Variants in FRMPD4 observed in about 807,000 individuals in gnomAD.
FRMPD4 encodes the protein FERM and PDZ domain-containing protein 4.
A neutral mutation model predicts 94.1 loss-of-function variants in FRMPD4; 22 were observed. The ratio of observed to expected loss-of-function variants is 0.23; its 90% CI spans 0.17 to 0.33. FRMPD4 has a LOEUF of 0.33. Among genes scored for constraint, FRMPD4 ranks in the 10% least tolerant of loss-of-function variants. The pLI, the probability that FRMPD4 is intolerant of heterozygous loss-of-function variation, is 1.00. For missense variants in FRMPD4, 1,111 were observed against 1,339.9 expected, an observed-to-expected ratio of 0.83 and a Z score of 2.67; for synonymous variants, 631 against 548.6, an observed-to-expected ratio of 1.15 and a Z score of -2.10.
intron 1 of FRMPD4, among the ~76,000 whole-genome samples, chrX:12,378,271 C>G (rs2056269168): frequency 8.9e-6 from 1 of 112,534 alleles, no homozygotes; most frequent in South Asian, 3.7e-4. Context: ...TCTTCTTGTT[C>G]AAGGCTACAG....
chrX:12,139,419 T>G lies in FRMPD4; in HGVS notation c.41+407T>G, dbSNP rs767766268. On this transcript the variant is annotated intron_variant, in intron 1 of 16. Coordinates refer to ENST00000675598, the MANE Select transcript of FRMPD4 (RefSeq NM_001368397.1). ...AGCTGCAAAGACCAAAAGTGCCGCC[T>G]TCCCCCAACTCCTAAATTACACCTC... 1.2e-4 allele frequency among the ~76,000 whole-genome samples: 13 copies of G among 110,536 alleles called. No homozygotes were observed. The South Asian group carries it at 5.1e-3, about 44-fold the overall frequency.
At chrX:12,164,780 T>C (rs984118044) in intron 1 of FRMPD4, among the ~76,000 whole-genome samples, 15 of 112,713 alleles carry the variant, frequency 1.3e-4, no homozygotes, top group Non-Finnish European at 2.4e-4. Context: ...GTTTTTGATT[T>C]GCATTTCTCT....
At chrX:12,542,679 C>T (rs1282996859) in intron 2 of FRMPD4, among the ~76,000 whole-genome samples, 4 of 111,569 alleles carry the variant, frequency 3.6e-5, no homozygotes, top group Admixed American at 1.9e-4. Context: ...AATTCATAGA[C>T]TCAATGCCAT....
intron 3 of FRMPD4, among the ~76,000 whole-genome samples, chrX:12,113,007 T>C (rs1047574321): frequency 1.8e-5 from 2 of 111,278 alleles, no homozygotes; most frequent in African/African-American, 6.6e-5. Flanking sequence ...TTTTCTGGAG[T>C]TTTGGGGGAA....
Position 12,170,859 on chromosome X carries a change from C to A in FRMPD4, c.41+31847C>A, listed in dbSNP as rs985732134. ...AAATGGCCTGTGAACATCTAGAAAC[C>A]CCTTGTTGGGTTAATATGATGAGAT... is the stretch of plus-strand genomic sequence containing the variant. On this transcript the variant is annotated intron_variant, in intron 1 of 16. Coordinates refer to ENST00000675598, the MANE Select transcript of FRMPD4 (RefSeq NM_001368397.1). 2.7e-5 allele frequency among the ~76,000 whole-genome samples: 3 copies of A among 112,843 alleles called. No individual in the cohort carries two copies. The Admixed American group carries it at 2.8e-4, about 11-fold the overall frequency.
At chrX:12,130,413 G>T (rs2055542551) in intron 3 of FRMPD4, among the ~76,000 whole-genome samples, 1 of 110,620 alleles carries the variant, frequency 9.0e-6, no homozygotes, top group South Asian at 3.9e-4. Flanking sequence ...GATGGGAGGT[G>T]GGTCCTCAGG....
intron 2 of FRMPD4, among the ~76,000 whole-genome samples, chrX:12,519,411 A>G (rs896514251): frequency 1.8e-5 from 2 of 112,426 alleles, no homozygotes; most frequent in African/African-American, 6.5e-5. Context: ...TGATTAAATG[A>G]TCTTTGACAA....
intron 1 of FRMPD4, among the ~76,000 whole-genome samples, chrX:12,451,310 T>C (rs1035510702): frequency 4.0e-4 from 45 of 112,094 alleles, no homozygotes; most frequent in Non-Finnish European, 7.7e-4. Flanking sequence ...AGATAATTAA[T>C]GACACTTTCC....
intron 1 of FRMPD4, among the ~76,000 whole-genome samples, chrX:12,193,767 A>AAAGT (rs765436292): frequency 0.28 from 6,087 of 21,845 alleles, 928 homozygotes; most frequent in East Asian, 0.55. Flanking sequence ...AGAAAGAAAG[A>AAAGT]AAGAAAGGAA....
chrX:12,114,765 AAAATAAACATATAAATAACTGTGTAAC>A (rs1301582843), intron 3 of FRMPD4, among the ~76,000 whole-genome samples: 1 of 112,719 alleles, frequency 8.9e-6, no homozygotes, highest in Non-Finnish European at 1.9e-5. Context: ...AACCGTCTTT[AAAATAAACATATAAATAACTGTGTAAC>A]AGACAAAAAT....
intron 3 of FRMPD4, among the ~76,000 whole-genome samples, chrX:11,890,774 C>T (rs2053869354): frequency 8.9e-6 from 1 of 112,654 alleles, no homozygotes; most frequent in African/African-American, 3.2e-5. Flanking sequence ...AGAGTATCCA[C>T]TGGCAACTGC....
At chrX:12,585,606 C>T (rs1259743472) in intron 2 of FRMPD4, among the ~76,000 whole-genome samples, 1 of 111,821 alleles carries the variant, frequency 8.9e-6, no homozygotes, top group African/African-American at 3.3e-5. Context: ...GAAAAATAAC[C>T]CTCGCTTCTA....
At chrX:12,241,943 G>A (rs2053881001) in intron 1 of FRMPD4, among the ~76,000 whole-genome samples, 1 of 71,612 alleles carries the variant, frequency 1.4e-5, no homozygotes, top group South Asian at 8.5e-4. Context: ...AGGAGGGGAA[G>A]GGGAAGGGGA....
intron 1 of FRMPD4, among the ~76,000 whole-genome samples, chrX:12,182,246 G>C (rs772837313): frequency 8.9e-6 from 1 of 111,836 alleles, no homozygotes; most frequent in East Asian, 2.8e-4. Flanking sequence ...GTGACTAAAG[G>C]TAAGAAAAAG....
intron 1 of FRMPD4, among the ~76,000 whole-genome samples, chrX:12,169,876 AAC>A (rs1296558793): frequency 1.8e-5 from 2 of 112,234 alleles, no homozygotes; most frequent in Admixed American, 9.4e-5. Context: ...AGTGGATGCA[AAC>A]ACAAATGGGT....
intron 3 of FRMPD4, among the ~76,000 whole-genome samples, chrX:11,987,290 C>T (rs1349231092): frequency 1.8e-5 from 2 of 110,089 alleles, no homozygotes; most frequent in Non-Finnish European, 3.8e-5. Flanking sequence ...TCAGGTGATA[C>T]ATTATATCAC....
chrX:11,824,045 G>A (rs1049654399), intron 1 of FRMPD4, among the ~76,000 whole-genome samples: 3 of 111,744 alleles, frequency 2.7e-5, no homozygotes, highest in Admixed American at 1.9e-4. Flanking sequence ...TATAGGTTTA[G>A]GTATGTCTTA....
At chrX:11,843,443 G>C (rs1428621400) in intron 1 of FRMPD4, among the ~76,000 whole-genome samples, 2 of 111,471 alleles carry the variant, frequency 1.8e-5, no homozygotes, top group Non-Finnish European at 3.8e-5. Context: ...CTACAAAATA[G>C]TGTTATACTT....
intron 3 of FRMPD4, among the ~76,000 whole-genome samples, chrX:12,102,175 T>C (rs770894857): frequency 5.1e-4 from 57 of 111,984 alleles, no homozygotes; most frequent in African/African-American, 1.7e-3. Flanking sequence ...CATGTAAATG[T>C]GGGCCTTGAA....
Sources: gnomAD v4.1 joint callset for allele counts (sites outside exome capture counted in the v4.1 genomes callset) on GRCh38, gnomAD v4.1.1 for gene constraint, MANE v1.5 for transcripts, NCBI Gene and HGNC (gene_info 2026-07-23, HGNC 2026-07-21) for gene names.